The following FBXL7 variants were observed in gnomAD, a reference collection of about 807,000 sequenced individuals.
The protein encoded by FBXL7 is F-box/LRR-repeat protein 7.
A neutral mutation model predicts 38.3 loss-of-function variants in FBXL7; 12 were observed. The ratio of observed to expected loss-of-function variants is 0.31; its 90% confidence interval spans 0.20 to 0.51. The LOEUF is 0.51. FBXL7 is among the 20% of genes least tolerant of loss of function. The pLI, the probability that FBXL7 is intolerant of heterozygous loss-of-function variation, is 0.98. For synonymous variants in FBXL7, 297 were observed against 300.9 expected, an observed-to-expected ratio of 0.99 and a Z score of 0.13; for missense variants, 567 against 676.4, an observed-to-expected ratio of 0.84 and a Z score of 1.79.
At chr5:15,755,900 A>G (rs575007831) in intron 2 of FBXL7, among the ~76,000 whole-genome samples, 29 of 152,308 alleles carry the variant, frequency 1.9e-4, no homozygotes, top group African/African-American at 4.1e-4. Context: ...TATTGCATCA[A>G]CTGCTCCCAG....
intron 2 of FBXL7, among the ~76,000 whole-genome samples, chr5:15,870,397 T>C (rs925062212): frequency 6.6e-6 from 1 of 152,108 alleles, no homozygotes; most frequent in African/African-American, 2.4e-5. Flanking sequence ...AAGGCACTGC[T>C]GGAGCATTTG....
In FBXL7 at chr5:15,938,753, A is replaced by G. The variant is rs541143581; in HGVS notation, c.*1567A>G. 2.9e-4 allele frequency: 107 copies of G among 374,040 alleles called. No individual in the cohort carries two copies. The highest frequency in any genetic ancestry group is 6.8e-4 in the Middle Eastern group (1 of 1,468). 23.2% of individuals were successfully genotyped at this position (374,040 alleles called of 1,614,324 possible). ...TGGATTTTAAATGGATGAAACTTCA[A>G]ATTATCTTATTTGGATAGAAGTCTA... On this transcript the variant is annotated 3_prime_UTR_variant, in exon 4 of 4. Coordinates refer to ENST00000504595, the MANE Select transcript of FBXL7 (RefSeq NM_012304.5).
At chr5:15,661,705 C>T (rs547146011) in intron 2 of FBXL7, among the ~76,000 whole-genome samples, 1 of 152,180 alleles carries the variant, frequency 6.6e-6, no homozygotes, top group Non-Finnish European at 1.5e-5. Flanking sequence ...TCCCAACCTT[C>T]ACCTTCAAAT....
At chr5:15,798,493 A>G (rs1266071678) in intron 2 of FBXL7, among the ~76,000 whole-genome samples, 3 of 152,236 alleles carry the variant, frequency 2.0e-5, no homozygotes, top group Non-Finnish European at 4.4e-5. Context: ...ATTTTCCCAA[A>G]AAATGGAGCA....
chr5:15,639,056 T>C (rs907414886), intron 2 of FBXL7, among the ~76,000 whole-genome samples: 4 of 152,206 alleles, frequency 2.6e-5, no homozygotes, highest in African/African-American at 9.6e-5. Flanking sequence ...ATTTTGTATT[T>C]TGGGGATCTC....
At chr5:15,517,974 G>A (rs1456432075) in intron 1 of FBXL7, among the ~76,000 whole-genome samples, 4 of 151,964 alleles carry the variant, frequency 2.6e-5, no homozygotes, top group Non-Finnish European at 1.5e-5. Context: ...GTTTTTTTGT[G>A]TGTGTTTGTT....
At chr5:15,527,400 C>T (rs78284352) in intron 1 of FBXL7, among the ~76,000 whole-genome samples, 3,429 of 151,910 alleles carry the variant, frequency 0.023, 46 homozygotes, top group Middle Eastern at 0.035. Flanking sequence ...TATTTGTCTC[C>T]GAGAGTTAGC....
chr5:15,873,464 A>G (rs4360042), intron 2 of FBXL7, among the ~76,000 whole-genome samples: 2,281 of 152,286 alleles, frequency 0.015, 52 homozygotes, highest in African/African-American at 0.048. Flanking sequence ...AAAAAAATCA[A>G]TGAATCCAGG....
chr5:15,712,762 G>T (rs1354686092), intron 2 of FBXL7, among the ~76,000 whole-genome samples: 1 of 152,100 alleles, frequency 6.6e-6, no homozygotes, highest in African/African-American at 2.4e-5. Flanking sequence ...TATTGAGGGT[G>T]GCATTGCTGT....
intron 2 of FBXL7, among the ~76,000 whole-genome samples, chr5:15,851,731 G>A (rs1579520125): frequency 2.0e-5 from 3 of 152,004 alleles, no homozygotes; most frequent in East Asian, 3.9e-4. Flanking sequence ...GGGCTAGGGA[G>A]GGCTGAGGAT....
chr5:15,747,148 A>G (rs1362299667), intron 2 of FBXL7, among the ~76,000 whole-genome samples: 1 of 152,210 alleles, frequency 6.6e-6, no homozygotes, highest in Non-Finnish European at 1.5e-5. Context: ...TGTGGTTCCT[A>G]GAATCCAGAT....
chr5:15,541,531 CCACT>C (rs1443132560), intron 1 of FBXL7, among the ~76,000 whole-genome samples: 1 of 127,708 alleles, frequency 7.8e-6, no homozygotes, highest in Non-Finnish European at 1.6e-5. Flanking sequence ...ACCCCTATTC[CCACT>C]CACTCCTCTT....
chr5:15,675,957 G>T (rs1276360072), intron 2 of FBXL7, among the ~76,000 whole-genome samples: 1 of 152,198 alleles, frequency 6.6e-6, no homozygotes, highest in Non-Finnish European at 1.5e-5. Flanking sequence ...TGGAGACAGG[G>T]TCATTGTAGG....
chr5:15,679,723 CATTGA>C (rs1742785658), intron 2 of FBXL7, among the ~76,000 whole-genome samples: 1 of 152,102 alleles, frequency 6.6e-6, no homozygotes, highest in African/African-American at 2.4e-5. Context: ...TCCCCTCAAG[CATTGA>C]ATGACATTTT....
intron 2 of FBXL7, among the ~76,000 whole-genome samples, chr5:15,735,677 G>A (rs1413241692): frequency 6.6e-6 from 1 of 152,224 alleles, no homozygotes; most frequent in Non-Finnish European, 1.5e-5. Flanking sequence ...AATGTAAGAA[G>A]TAGACACATT....
intron 2 of FBXL7, among the ~76,000 whole-genome samples, chr5:15,775,336 G>C (rs1227100462): frequency 1.3e-5 from 2 of 151,842 alleles, no homozygotes; most frequent in Admixed American, 1.3e-4. Context: ...TGACAGTTCT[G>C]TCATGTTTTT....
chr5:15,768,262 T>C (rs551675311), intron 2 of FBXL7, among the ~76,000 whole-genome samples: 37 of 152,258 alleles, frequency 2.4e-4, no homozygotes, highest in African/African-American at 7.7e-4. Context: ...CTGGGCACGG[T>C]GACTCACACC....
At position 15,806,045 on chromosome 5, in the gene FBXL7, G is replaced by A. The variant is rs555516362; in HGVS notation, c.128-121845G>A. On this transcript the variant is annotated intron_variant, in intron 2 of 3. Coordinates refer to ENST00000504595, the MANE Select transcript of FBXL7 (RefSeq NM_012304.5). ...CAGAATAAAATTTTACAAGTGATAG[G>A]GCTCTTTAAGATCATCTAATCCAAC... Among the ~76,000 whole-genome samples the A allele has an allele frequency of 2.0e-5, 3 of 152,162 alleles. No individual in the cohort carries two copies. In the South Asian group the frequency reaches 6.2e-4, roughly 32 times the overall value.
chr5:15,857,266 A>T (rs1352820886), intron 2 of FBXL7, among the ~76,000 whole-genome samples: 1 of 152,182 alleles, frequency 6.6e-6, no homozygotes, highest in East Asian at 1.9e-4. Flanking sequence ...TAACTATGTA[A>T]AGTATAATAA....
Sources: gnomAD v4.1 joint callset for allele counts (sites outside exome capture counted in the v4.1 genomes callset) on GRCh38, gnomAD v4.1.1 for gene constraint, MANE v1.5 for transcripts, NCBI Gene and HGNC (gene_info 2026-07-23, HGNC 2026-07-21) for gene names.